CNTNAP4: variants seen among roughly 807,000 people sequenced by gnomAD.
CNTNAP4 encodes contactin associated protein family member 4.
A neutral mutation model predicts 148.4 loss-of-function variants in CNTNAP4; 98 were observed. The observed-to-expected ratio is 0.66, with a 90% CI of 0.56 to 0.78. The LOEUF is 0.78. Among genes scored for constraint, CNTNAP4 ranks in the 30% least tolerant of loss-of-function variants. The pLI, the probability that CNTNAP4 is intolerant of heterozygous loss-of-function variation, is 0.00. For missense variants in CNTNAP4, 1,935 were observed against 1,565.6 expected (o/e 1.24, Z -3.98); for synonymous variants, 730 against 565.1 (o/e 1.29, Z -4.14).
At chr16:76,429,144 A>G (rs764232817) in intron 4 of CNTNAP4, among the ~76,000 whole-genome samples, 2 of 152,188 alleles carry the variant, frequency 1.3e-5, no homozygotes, top group Admixed American at 1.3e-4. Flanking sequence ...GCTTAGCTAC[A>G]CCATGTTAGT....
Position 76,437,040 on chromosome 16 carries a change from C to T in CNTNAP4, c.538+9441C>T, listed in dbSNP as rs147559594. Among the ~76,000 whole-genome samples the T allele has an allele frequency of 2.3e-3, 353 of 151,660 alleles. 6 individuals carry two copies. The highest frequency in any genetic ancestry group is 0.018 in the Admixed American group (277 of 15,210). On this transcript the variant is annotated intron_variant, in intron 4 of 23. Coordinates refer to ENST00000611870, the MANE Select transcript of CNTNAP4 (RefSeq NM_033401.5). ...TAATTCACATGATCACAAGGTCCTA[C>T]AATAGGCCATCTGCAAGCTGAGGAG... is the stretch of plus-strand genomic sequence containing the variant.
intron 2 of CNTNAP4, among the ~76,000 whole-genome samples, chr16:76,329,771 G>T (rs150465666): frequency 0.014 from 2,067 of 152,102 alleles, 45 homozygotes; most frequent in African/African-American, 0.048. Context: ...AAATAAAAGG[G>T]ACACATAAAA....
chr16:76,326,396 TC>T (rs1309259280), intron 2 of CNTNAP4, among the ~76,000 whole-genome samples: 3 of 152,168 alleles, frequency 2.0e-5, no homozygotes, highest in Non-Finnish European at 4.4e-5. Flanking sequence ...TTCATGTGTG[TC>T]CTGAGCATCT....
chr16:76,538,360 G>C lies in CNTNAP4; in HGVS notation c.3220+20G>C, dbSNP rs147462068. On this transcript the variant is annotated intron_variant, in intron 19 of 23. Coordinates refer to ENST00000611870, the MANE Select transcript of CNTNAP4 (RefSeq NM_033401.5). ...AAAATGGTGAGTTCTTTTTAGATGA[G>C]AGAGAGAAAATTAAATTAGAACACT... The C allele has an allele frequency of 7.3e-4, 1,127 of 1,541,330 alleles. 5 individuals carry two copies. In the African/African-American group the frequency reaches 0.013, roughly 18 times the overall value.
intron 2 of CNTNAP4, among the ~76,000 whole-genome samples, chr16:76,350,316 T>A (rs1382596415): frequency 6.6e-6 from 1 of 152,170 alleles, no homozygotes; most frequent in Non-Finnish European, 1.5e-5. Context: ...TTGGGAAAAT[T>A]TACTTAGCCT....
intron 8 of CNTNAP4, among the ~76,000 whole-genome samples, chr16:76,460,115 G>C (rs1378781287): frequency 6.6e-6 from 1 of 151,432 alleles, no homozygotes; most frequent in South Asian, 2.1e-4. Flanking sequence ...TTGTTTGTTT[G>C]TTTTGTTCTG....
At chr16:76,432,457 A>T (rs2079644696) in intron 4 of CNTNAP4, 1 of 152,214 alleles carries the variant, frequency 6.6e-6, no homozygotes, top group Non-Finnish European at 1.5e-5. Flanking sequence ...AAGAGAAACT[A>T]TAAATTTCCA....
At chr16:76,375,065 G>A (rs958830612) in intron 3 of CNTNAP4, among the ~76,000 whole-genome samples, 3 of 151,468 alleles carry the variant, frequency 2.0e-5, no homozygotes, top group East Asian at 4.0e-4. Context: ...CATCACGCCC[G>A]GCCAGCAGAA....
At chr16:76,522,382 G>T (rs1010344712) in intron 17 of CNTNAP4, 125 bp downstream of exon 17, 76 of 824,028 alleles carry the variant, frequency 9.2e-5, no homozygotes, top group Non-Finnish European at 1.3e-4. Context: ...AATCACCATG[G>T]ATTCACAAAC....
Position 76,440,478 on chromosome 16 carries a change from G to T in CNTNAP4, c.539-7534G>T, listed in dbSNP as rs79097576. ...ATCTCTACCACCTCCACAATTATCG[G>T]CAAGTACCACCCACAGTATAAATAA... On this transcript the variant is annotated intron_variant, in intron 4 of 23. Coordinates refer to ENST00000611870, the MANE Select transcript of CNTNAP4 (RefSeq NM_033401.5). 2.2e-3 allele frequency among the ~76,000 whole-genome samples: 327 copies of T among 152,060 alleles called. 11 individuals are homozygous for T. In the East Asian group the frequency reaches 0.055, roughly 26 times the overall value.
rs2078171554 is a variant in CNTNAP4, at chr16:76,395,521, C to G, written c.391-31931C>G. 2.0e-5 allele frequency among the ~76,000 whole-genome samples: 3 copies of G among 151,954 alleles called. No homozygotes were observed. The South Asian group carries it at 6.2e-4, about 32-fold the overall frequency. ...CCTTGTGATCCACCTGCCTCAGCCT[C>G]CCAAAGTGCTGGTATTACAGGCGTG... On this transcript the variant is annotated intron_variant, in intron 3 of 23. Coordinates refer to ENST00000611870, the MANE Select transcript of CNTNAP4 (RefSeq NM_033401.5).
At chr16:76,341,721 A>T (rs1379350689) in intron 2 of CNTNAP4, among the ~76,000 whole-genome samples, 1 of 152,106 alleles carries the variant, frequency 6.6e-6, no homozygotes, top group African/African-American at 2.4e-5. Context: ...AGAAAAATAG[A>T]TTTAGTCTTC....
At chr16:76,452,831 C>A in intron 8 of CNTNAP4, 62 bp downstream of exon 8, 1 of 1,416,454 alleles carries the variant, frequency 7.1e-7, no homozygotes, top group South Asian at 1.6e-5. Flanking sequence ...ATCTCTGTGG[C>A]CAAATTTTAT....
At chr16:76,395,838 C>T (rs1276068211) in intron 3 of CNTNAP4, among the ~76,000 whole-genome samples, 1 of 151,970 alleles carries the variant, frequency 6.6e-6, no homozygotes, top group African/African-American at 2.4e-5. Context: ...AAGTGATCCT[C>T]CTGCCTCAGC....
rs150884254 is a variant in CNTNAP4, at chr16:76,524,353, A to G, written c.2755+2096A>G. Among the ~76,000 whole-genome samples the G allele has an allele frequency of 3.7e-3, 571 of 152,316 alleles. 1 individual carries two copies. Among genetic ancestry groups the G allele is most frequent in the African/African-American group, 0.013 (542 of 41,560 alleles). Reference sequence around the variant, plus strand: ...AAGCTATTTCTTGAATTACAAAAAAATGAGAGATGGCCACAACAAAAGGTA... The same window carrying G: ...AAGCTATTTCTTGAATTACAAAAAAGTGAGAGATGGCCACAACAAAAGGTA... On this transcript the variant is annotated intron_variant, in intron 17 of 23. Coordinates refer to ENST00000611870, the MANE Select transcript of CNTNAP4 (RefSeq NM_033401.5).
chr16:76,363,966 A>T (rs1420685255), intron 3 of CNTNAP4, among the ~76,000 whole-genome samples: 2 of 151,956 alleles, frequency 1.3e-5, no homozygotes, highest in Non-Finnish European at 2.9e-5. Context: ...ATACAAAAAA[A>T]TACATATGGC....
At chr16:76,318,697 AATG>A (rs1449159681) in intron 2 of CNTNAP4, among the ~76,000 whole-genome samples, 17 of 134,416 alleles carry the variant, frequency 1.3e-4, no homozygotes, top group East Asian at 7.8e-4. Flanking sequence ...TATTTCTCAT[AATG>A]ATTTATTTAT....
intron 1 of CNTNAP4, chr16:76,287,549 GAGA>G (rs1958938256): frequency 6.6e-6 from 1 of 152,182 alleles, no homozygotes; most frequent in Non-Finnish European, 1.5e-5. Context: ...ACATTCTCTA[GAGA>G]AGATGTCAGG....
intron 2 of CNTNAP4, among the ~76,000 whole-genome samples, chr16:76,334,596 T>A (rs1963858559): frequency 6.6e-6 from 1 of 152,178 alleles, no homozygotes; most frequent in South Asian, 2.1e-4. Context: ...ATACTTTTTT[T>A]CTATAATGGG....
Sources: allele counts gnomAD v4.1 joint callset (sites outside exome capture counted in the v4.1 genomes callset), GRCh38; gene constraint gnomAD v4.1.1; transcripts MANE v1.5; gene names NCBI Gene and HGNC (gene_info 2026-07-23, HGNC 2026-07-21).